RBFOX1: variants seen among roughly 807,000 people sequenced by gnomAD.
RBFOX1 encodes the protein RNA binding protein fox-1 homolog 1.
In RBFOX1, 8 loss-of-function variants were observed where a neutral mutation model predicts 57.7. That is an observed-to-expected ratio of 0.14 (90% CI 0.08 to 0.25). The LOEUF is 0.25. RBFOX1 is among the 10% of genes least tolerant of loss of function. The probability of loss-of-function intolerance (pLI) is 1.00; values close to 1 mark genes in which losing one functional copy is unlikely to be tolerated. For synonymous variants in RBFOX1, 326 were observed against 222.4 expected, an observed-to-expected ratio of 1.47 and a Z score of -4.15; for missense variants, 611 against 548.5, an observed-to-expected ratio of 1.11 and a Z score of -1.14.
At chr16:6,612,220 A>C (rs144381914) in intron 2 of RBFOX1, among the ~76,000 whole-genome samples, 2,705 of 152,202 alleles carry the variant, frequency 0.018, 43 homozygotes, top group Middle Eastern at 0.041. Context: ...CTTTATAGAG[A>C]GTCCTAGTAT....
At chr16:7,628,092 A>T (rs1363826113) in intron 10 of RBFOX1, among the ~76,000 whole-genome samples, 1 of 152,198 alleles carries the variant, frequency 6.6e-6, no homozygotes, top group Non-Finnish European at 1.5e-5. Flanking sequence ...CATCGAGGAT[A>T]TTGAAAATTG....
intron 4 of RBFOX1, among the ~76,000 whole-genome samples, chr16:7,507,581 T>TTTTTGG (rs1308935175): frequency 6.7e-6 from 1 of 148,494 alleles, no homozygotes; most frequent in Non-Finnish European, 1.5e-5. Context: ...TTTTTTTTTT[T>TTTTTGG]GAGACGGAGT....
intron 3 of RBFOX1, among the ~76,000 whole-genome samples, chr16:5,773,861 C>T (rs2054058642): frequency 6.6e-6 from 1 of 152,050 alleles, no homozygotes; most frequent in South Asian, 2.1e-4. Flanking sequence ...CCATGCCTGG[C>T]TAATTTTTGT....
chr16:5,800,611 A>G (rs956241961), intron 3 of RBFOX1, among the ~76,000 whole-genome samples: 3 of 152,152 alleles, frequency 2.0e-5, no homozygotes, highest in African/African-American at 7.2e-5. Context: ...GATGTGACCC[A>G]GTGACTCAGG....
intron 4 of RBFOX1, among the ~76,000 whole-genome samples, chr16:7,257,932 C>T (rs1359907256): frequency 6.6e-6 from 1 of 152,120 alleles, no homozygotes; most frequent in East Asian, 1.9e-4. Flanking sequence ...CTCCTGCTTT[C>T]AAGGGAGGAA....
At chr16:6,266,373 C>G (rs1449207468) in intron 1 of RBFOX1, among the ~76,000 whole-genome samples, 4 of 152,166 alleles carry the variant, frequency 2.6e-5, no homozygotes, top group Middle Eastern at 3.2e-3. Context: ...CTTTGTAAAA[C>G]CTTCCAAGTC....
At chr16:5,701,090 C>T (rs766211) in intron 3 of RBFOX1, among the ~76,000 whole-genome samples, 9,048 of 149,130 alleles carry the variant, frequency 0.061, 871 homozygotes, top group African/African-American at 0.2. Context: ...TTTCTTCTTG[C>T]CCTGATGATA....
chr16:7,665,535 C>A (rs1375383800), intron 13 of RBFOX1, among the ~76,000 whole-genome samples: 9 of 152,116 alleles, frequency 5.9e-5, no homozygotes, highest in Non-Finnish European at 1.3e-4. Flanking sequence ...CCATTTCCCC[C>A]AATTACCTGA....
At chr16:7,686,566 A>G (rs1463568401) in intron 14 of RBFOX1, among the ~76,000 whole-genome samples, 2 of 152,106 alleles carry the variant, frequency 1.3e-5, no homozygotes, top group African/African-American at 4.8e-5. Flanking sequence ...TTAGGAGTCT[A>G]CACAGACAAA....
chr16:6,309,304 C>T (rs1435284357), intron 1 of RBFOX1, among the ~76,000 whole-genome samples: 1 of 152,144 alleles, frequency 6.6e-6, no homozygotes, highest in African/African-American at 2.4e-5. Flanking sequence ...TCTGAGAAGG[C>T]TGTGGTACCT....
At chr16:7,069,842 T>C (rs980597936) in intron 4 of RBFOX1, among the ~76,000 whole-genome samples, 13 of 152,198 alleles carry the variant, frequency 8.5e-5, no homozygotes, top group Non-Finnish European at 1.5e-4. Context: ...CCATTCCCCA[T>C]TGATGTTCCC....
At chr16:6,948,485 C>T (rs868751240) in intron 3 of RBFOX1, among the ~76,000 whole-genome samples, 18 of 141,646 alleles carry the variant, frequency 1.3e-4, no homozygotes, top group Non-Finnish European at 1.0e-4. Flanking sequence ...TTGGTTCAAG[C>T]GATTCTCCTG....
chr16:6,511,709 G>A (rs2096258387), intron 2 of RBFOX1, among the ~76,000 whole-genome samples: 1 of 152,198 alleles, frequency 6.6e-6, no homozygotes, highest in Non-Finnish European at 1.5e-5. Context: ...ATAGTAATTT[G>A]CTGATGGAAT....
intron 4 of RBFOX1, among the ~76,000 whole-genome samples, chr16:7,326,132 C>T (rs1467786773): frequency 2.6e-5 from 4 of 152,196 alleles, no homozygotes. Context: ...ACAGATCATT[C>T]TCAAATACTT....
chr16:5,466,274 C>T (rs1014430313), intron 1 of RBFOX1, among the ~76,000 whole-genome samples: 1 of 152,184 alleles, frequency 6.6e-6, no homozygotes, highest in African/African-American at 2.4e-5. Flanking sequence ...GCAGTGGGCC[C>T]TTGCCATTTT....
At chr16:7,676,298 TTCAA>T in intron 13 of RBFOX1, among the ~76,000 whole-genome samples, 1 of 152,266 alleles carries the variant, frequency 6.6e-6, no homozygotes, top group East Asian at 1.9e-4. Flanking sequence ...CTAATAAACT[TTCAA>T]TCAAAGGGTG....
chr16:6,789,040 G>C (rs558898670), intron 3 of RBFOX1, among the ~76,000 whole-genome samples: 21 of 152,218 alleles, frequency 1.4e-4, no homozygotes, highest in African/African-American at 4.6e-4. Flanking sequence ...TTCTCCTGCT[G>C]TATAGAAACA....
chr16:5,721,681 G>T (rs1228156129), intron 3 of RBFOX1, among the ~76,000 whole-genome samples: 1 of 152,176 alleles, frequency 6.6e-6, no homozygotes, highest in African/African-American at 2.4e-5. Context: ...ATGAAAGGTT[G>T]CTAGGTTTTG....
chr16:5,749,537 C>G (rs953561215), intron 3 of RBFOX1, among the ~76,000 whole-genome samples: 5 of 152,146 alleles, frequency 3.3e-5, no homozygotes, highest in African/African-American at 1.2e-4. Context: ...TCACATAGTC[C>G]CATATTTCTT....
Sources: gnomAD v4.1 joint callset for allele counts (sites outside exome capture counted in the v4.1 genomes callset) on GRCh38, gnomAD v4.1.1 for gene constraint, MANE v1.5 for transcripts, NCBI Gene and HGNC (gene_info 2026-07-23, HGNC 2026-07-21) for gene names.